The following UPP2 variants were observed in gnomAD, a reference collection of about 807,000 sequenced individuals.
UPP2 encodes uridine phosphorylase 2.
In UPP2, 23 loss-of-function variants were observed where a neutral mutation model predicts 26.7. The observed-to-expected ratio is 0.86, with a 90% CI of 0.62 to 1.22. The LOEUF is 1.22. UPP2 is among the 50% of genes most tolerant of loss of function. The pLI is 0.00. For missense variants in UPP2, 387 were observed against 396.7 expected, an observed-to-expected ratio of 0.98 and a Z score of 0.21; for synonymous variants, 127 against 141.3, an observed-to-expected ratio of 0.90 and a Z score of 0.72.
chr2:158,078,988 G>C lies in UPP2; in HGVS notation c.148-23052G>C, dbSNP rs1421681906. ...ACCAGGTGGTGATAATTGAATCATG[G>C]GGGCAGTTTCCCATATACTGTTTTC... On this transcript the variant is annotated intron_variant, in intron 3 of 9. Coordinates refer to the UPP2 transcript ENST00000605860. 3.3e-5 allele frequency among the ~76,000 whole-genome samples: 5 copies of C among 152,144 alleles called. No individual in the cohort carries two copies. In the East Asian group the frequency reaches 9.7e-4, roughly 29 times the overall value.
chr2:157,999,269 C>T (rs116430246), intron 2 of UPP2, among the ~76,000 whole-genome samples: 10,723 of 152,156 alleles, frequency 0.07, 441 homozygotes, highest in East Asian at 0.18. Context: ...ACCTCCACAT[C>T]CTGGGCTCAA....
chr2:158,040,269 T>A (rs1484220167), intron 3 of UPP2, among the ~76,000 whole-genome samples: 1 of 152,218 alleles, frequency 6.6e-6, no homozygotes, highest in Non-Finnish European at 1.5e-5. Context: ...TTGTTGAAAA[T>A]TCACTTAATA....
chr2:158,026,180 G>T (rs1378123956), intron 3 of UPP2, among the ~76,000 whole-genome samples: 1 of 152,112 alleles, frequency 6.6e-6, no homozygotes, highest in East Asian at 1.9e-4. Context: ...TGGAGAGTGT[G>T]GGAGAGGATT....
chr2:158,000,067 AT>A (rs11451567), intron 2 of UPP2, among the ~76,000 whole-genome samples: 132 of 147,276 alleles, frequency 9.0e-4, no homozygotes, highest in Middle Eastern at 7.1e-3. Context: ...TGCCTTTCAA[AT>A]TTTTTTTTTT....
At chr2:158,003,782 C>T (rs1393458200) in intron 2 of UPP2, among the ~76,000 whole-genome samples, 1 of 150,838 alleles carries the variant, frequency 6.6e-6, no homozygotes, top group Non-Finnish European at 1.5e-5. Context: ...GATATTAGTA[C>T]AACCTCATGG....
chr2:158,090,478 G>A (rs1024495640), intron 3 of UPP2, among the ~76,000 whole-genome samples: 1 of 152,084 alleles, frequency 6.6e-6, no homozygotes, highest in African/African-American at 2.4e-5. Context: ...TCCAGCCTGG[G>A]CGGCAGAGTG....
intron 3 of UPP2, chr2:158,065,644 C>T (rs1173617027): frequency 2.4e-5 from 14 of 572,266 alleles, no homozygotes; most frequent in African/African-American, 5.7e-5. Flanking sequence ...TAAACAAATT[C>T]GTAGAGGAAC....
intron 3 of UPP2, among the ~76,000 whole-genome samples, chr2:158,038,375 C>G (rs2098044): frequency 0.3 from 45,435 of 152,034 alleles, 7,259 homozygotes; most frequent in African/African-American, 0.41. Context: ...TAGTTGATTT[C>G]AAAGAACCAG....
intron 3 of UPP2, among the ~76,000 whole-genome samples, chr2:158,020,734 C>T (rs967415207): frequency 2.6e-5 from 4 of 152,222 alleles, no homozygotes; most frequent in African/African-American, 9.6e-5. Context: ...GGTGGCTGTG[C>T]TTCACTGGTG....
At chr2:158,014,147 T>G (rs565859898) in intron 2 of UPP2, among the ~76,000 whole-genome samples, 2 of 152,244 alleles carry the variant, frequency 1.3e-5, no homozygotes, top group South Asian at 4.1e-4. Flanking sequence ...TACAAGCCTG[T>G]TCTGCAGCTC....
rs914585464 is a variant in UPP2, at chr2:158,121,602, C to T, written c.648C>T (p.Thr216=). 3.1e-6 allele frequency: 5 copies of T among 1,612,780 alleles called. 1 individual carries two copies. In the African/African-American group the frequency reaches 6.7e-5, roughly 22 times the overall value. Reference sequence around the variant, plus strand: ...CCCTCGTTGGACATACAATGTGTACCTATGATTTTTATGAAGGTGAGAACA... The same window carrying T: ...CCCTCGTTGGACATACAATGTGTACTTATGATTTTTATGAAGGTGAGAACA... ...FPTLVGHTMC[T]YDFYEGQGRL... Residue 216 remains threonine, a synonymous_variant, in exon 5 of 7, where the codon ACC becomes ACT. Coordinates refer to ENST00000005756, the MANE Select transcript of UPP2 (RefSeq NM_173355.4).
In UPP2 at chr2:158,084,511, A is replaced by C. The variant is rs1574281788; in HGVS notation, c.148-17529A>C. 1.3e-5 allele frequency among the ~76,000 whole-genome samples: 2 copies of C among 152,058 alleles called. 1 individual carries two copies. Among genetic ancestry groups the C allele is most frequent in the African/African-American group, 4.8e-5 (2 of 41,522 alleles). ...TTTTTCATTTAATTAAGTCCCATCT[A>C]TTTATCTTTGTTTATGTTGCATTTG... On this transcript the variant is annotated intron_variant, in intron 3 of 9. Coordinates refer to the UPP2 transcript ENST00000605860.
chr2:158,102,071 C>A lies in UPP2; in HGVS notation c.8C>A (p.Ser3Ter), dbSNP rs548582071. The change falls in exon 1 of 7, where the codon TCA (serine) becomes TAA (stop). Residue 3 changes from serine to a stop codon, truncating the protein, a stop_gained. Coordinates refer to ENST00000005756, the MANE Select transcript of UPP2 (RefSeq NM_173355.4). LOFTEE classifies it high-confidence loss of function. ...TTTCACATAGTAGAGAGAATGGCTTCAGTTATACCTGCCTCCAATAGGTCC... is the reference window on the plus strand; with the variant it reads ...TTTCACATAGTAGAGAGAATGGCTTAAGTTATACCTGCCTCCAATAGGTCC... MA[S>*]VIPASNRSMR... 6.2e-7 allele frequency: 1 copy of A among 1,613,312 alleles called. No individual in the cohort carries two copies. The highest frequency in any genetic ancestry group is 1.7e-5 in the Admixed American group (1 of 59,952).
chr2:158,054,751 C>T (rs995205955), intron 3 of UPP2, among the ~76,000 whole-genome samples: 3 of 152,092 alleles, frequency 2.0e-5, no homozygotes, highest in African/African-American at 7.2e-5. Flanking sequence ...TGATGTTGAG[C>T]TAACAAATCT....
intron 3 of UPP2, among the ~76,000 whole-genome samples, chr2:158,087,522 A>T (rs947553161): frequency 6.6e-6 from 1 of 152,156 alleles, no homozygotes; most frequent in Admixed American, 6.5e-5. Context: ...TATTCTATTC[A>T]TCACGCTATT....
At chr2:158,098,347 C>T (rs376541633), upstream of UPP2, among the ~76,000 whole-genome samples, 4 of 152,200 alleles carry the variant, frequency 2.6e-5, no homozygotes, top group Admixed American at 2.6e-4. Flanking sequence ...CTGCATCCTT[C>T]GAGGCAGCCT....
intron 5 of UPP2, 31 bp downstream of exon 5, chr2:158,121,649 C>T: frequency 6.4e-7 from 1 of 1,570,650 alleles, no homozygotes; most frequent in Non-Finnish European, 8.7e-7. Context: ...GTGAAGGAAA[C>T]AGAAAAATGC....
At position 158,001,957 on chromosome 2, in the gene UPP2, C is replaced by CAAAAAAA. The variant is rs200818827; in HGVS notation, c.61+6717_61+6723dup. On this transcript the variant is annotated intron_variant, in intron 2 of 9. Transcript: ENST00000605860. ...CTGGTTGCCTGGGGAGAATGAGCACCAAAAAAAAAAAAAAAAAAAAAAAAA... is the reference window on the plus strand; with the variant it reads ...CTGGTTGCCTGGGGAGAATGAGCACCAAAAAAAAAAAAAAAAAAAAAAAAAAAAAAAA... Among the ~76,000 whole-genome samples the CAAAAAAA allele has an allele frequency of 9.2e-4, 60 of 65,438 alleles. 2 individuals carry two copies. The highest frequency in any genetic ancestry group is 1.3e-3 in the Non-Finnish European group (42 of 32,456). 42.9% of individuals were successfully genotyped at this position (65,438 alleles called of 152,430 possible).
At chr2:158,068,646 C>T (rs906283469) in intron 3 of UPP2, among the ~76,000 whole-genome samples, 1 of 150,602 alleles carries the variant, frequency 6.6e-6, no homozygotes, top group Non-Finnish European at 1.5e-5. Flanking sequence ...CGCTCAGATG[C>T]TTGTGTGGGC....
Sources: gnomAD v4.1 joint callset for allele counts (sites outside exome capture counted in the v4.1 genomes callset) on GRCh38, gnomAD v4.1.1 for gene constraint, MANE v1.5 for transcripts, NCBI Gene and HGNC (gene_info 2026-07-23, HGNC 2026-07-21) for gene names.